TENM3: variants seen among roughly 807,000 people sequenced by gnomAD.
TENM3 encodes teneurin-3.
TENM3 carries 63 observed loss-of-function variants against 255.1 expected under a neutral mutation model. The observed-to-expected ratio is 0.25, with a 90% CI of 0.20 to 0.30. TENM3 has a LOEUF of 0.30. Ranked by LOEUF, TENM3 falls within the 10% of genes least tolerant of loss-of-function variation. The pLI, the probability that TENM3 is intolerant of heterozygous loss-of-function variation, is 1.00. For synonymous variants in TENM3, 1,306 were observed against 1,322.3 expected (o/e 0.99, Z 0.27); for missense variants, 2,929 against 3,461.1 (o/e 0.85, Z 3.86).
the TENM3 span, among the ~76,000 whole-genome samples, chr4:181,605,568 AAG>A: frequency 1.6e-3 from 69 of 42,196 alleles, 10 homozygotes; most frequent in East Asian, 9.5e-3. Flanking sequence ...GAAAGAAAGA[AAG>A]AGAGAGAAAG....
rs375303907 is a variant in TENM3, at chr4:182,738,481, T to C, written c.3316T>C (p.Leu1106=). 55 of 1,613,412 alleles carry C rather than the reference T, an allele frequency of 3.4e-5. 1 individual carries two copies. In the African/African-American group the frequency reaches 6.1e-4, roughly 18 times the overall value. The part of the protein sequence containing the change: ...KRTAILQGYE[L]DASNMGGWTL... ...GACTGCCATTCTGCAGGGCTATGAA[T>C]TGGATGCGTCCAACATGGGTGGCTG... is the stretch of plus-strand genomic sequence containing the variant. Residue 1106 remains leucine, a synonymous_variant, in exon 18 of 28, where the codon TTG becomes CTG. Coordinates refer to ENST00000511685, the MANE Select transcript of TENM3 (RefSeq NM_001080477.4).
At chr4:181,852,449 T>C in the TENM3 span, among the ~76,000 whole-genome samples, 1 of 152,202 alleles carries the variant, frequency 6.6e-6, no homozygotes. Context: ...ACTTTTCCTA[T>C]TTAAAACTTT....
the TENM3 span, among the ~76,000 whole-genome samples, chr4:182,138,778 A>C: frequency 6.6e-6 from 1 of 152,168 alleles, no homozygotes; most frequent in African/African-American, 2.4e-5. Context: ...AGAAAACCAA[A>C]ATTTGATCTC....
the TENM3 span, among the ~76,000 whole-genome samples, chr4:182,021,681 C>T: frequency 6.6e-6 from 1 of 152,058 alleles, no homozygotes; most frequent in South Asian, 2.1e-4. Context: ...CACTGTATCC[C>T]TTTCATCTAA....
At chr4:181,491,438 T>A in the TENM3 span, among the ~76,000 whole-genome samples, 1 of 152,084 alleles carries the variant, frequency 6.6e-6, no homozygotes, top group South Asian at 2.1e-4. Context: ...ATTTTCTCAT[T>A]TTCTCTGCTT....
At chr4:182,798,501 T>G (rs73869832) in intron 27 of TENM3, among the ~76,000 whole-genome samples, 4,190 of 152,280 alleles carry the variant, frequency 0.028, 185 homozygotes, top group African/African-American at 0.093. Flanking sequence ...CGCTATGATG[T>G]TCACACAAGG....
rs575291945 is a variant in TENM3, at chr4:182,474,193, C to G, written c.512-126731C>G. Among the ~76,000 whole-genome samples the G allele has an allele frequency of 2.6e-5, 4 of 152,032 alleles. No individual in the cohort carries two copies. In the South Asian group the frequency reaches 8.3e-4, roughly 32 times the overall value. On this transcript the variant is annotated intron_variant, in intron 3 of 27. Transcript: ENST00000511685. Reference sequence around the variant, plus strand: ...TTTGCAACTGTTCAGGCTTACCTACCCCTTAGAAATTTTTTACTCACAGGA... The same window carrying G: ...TTTGCAACTGTTCAGGCTTACCTACGCCTTAGAAATTTTTTACTCACAGGA...
At chr4:181,527,114 T>A in the TENM3 span, among the ~76,000 whole-genome samples, 3 of 152,312 alleles carry the variant, frequency 2.0e-5, no homozygotes, top group African/African-American at 7.2e-5. Context: ...GACCAGCTGC[T>A]AGGTCCACAA....
At chr4:182,408,622 T>G (rs1769751032) in intron 3 of TENM3, among the ~76,000 whole-genome samples, 1 of 152,210 alleles carries the variant, frequency 6.6e-6, no homozygotes, top group South Asian at 2.1e-4. Flanking sequence ...CCTAACACTT[T>G]GGCTCTTGTT....
At chr4:181,957,150 C>A in the TENM3 span, among the ~76,000 whole-genome samples, 1 of 152,110 alleles carries the variant, frequency 6.6e-6, no homozygotes, top group African/African-American at 2.4e-5. Context: ...TGTTTCAGAG[C>A]GTTTGCTCTA....
At chr4:181,545,484 C>A in the TENM3 span, among the ~76,000 whole-genome samples, 6 of 152,006 alleles carry the variant, frequency 3.9e-5, no homozygotes, top group African/African-American at 1.4e-4. Context: ...ATCACCTACC[C>A]CAGAATTTAT....
chr4:181,657,766 G>T, the TENM3 span, among the ~76,000 whole-genome samples: 3 of 151,712 alleles, frequency 2.0e-5, no homozygotes, highest in African/African-American at 7.3e-5. Flanking sequence ...AAGAAAATGG[G>T]ATACATAATC....
the TENM3 span, among the ~76,000 whole-genome samples, chr4:181,881,000 T>C: frequency 6.6e-6 from 1 of 152,306 alleles, no homozygotes; most frequent in African/African-American, 2.4e-5. Flanking sequence ...CAAGCTCATT[T>C]GAGTATGTAA....
At chr4:181,576,202 G>T in the TENM3 span, among the ~76,000 whole-genome samples, 1 of 152,164 alleles carries the variant, frequency 6.6e-6, no homozygotes, top group African/African-American at 2.4e-5. Context: ...AGAATATGCA[G>T]TCTGTCTATT....
chr4:181,577,864 A>C, the TENM3 span, among the ~76,000 whole-genome samples: 1 of 152,288 alleles, frequency 6.6e-6, no homozygotes, highest in East Asian at 1.9e-4. Flanking sequence ...TAAGAATTCT[A>C]ACTTTTTAAA....
At chr4:181,849,949 T>TCTCTCACACACACACACACACA in the TENM3 span, among the ~76,000 whole-genome samples, 991 of 65,896 alleles carry the variant, frequency 0.015, 45 homozygotes, top group East Asian at 0.036. Flanking sequence ...TCTCTCTCTC[T>TCTCTCACACACACACACACACA]CACACACACA....
the TENM3 span, among the ~76,000 whole-genome samples, chr4:182,118,165 A>T: frequency 6.6e-6 from 1 of 152,192 alleles, no homozygotes; most frequent in East Asian, 1.9e-4. Context: ...ATTACTTATT[A>T]ATTCCAGGAG....
intron 3 of TENM3, among the ~76,000 whole-genome samples, chr4:182,599,699 G>T (rs551245863): frequency 6.6e-6 from 1 of 152,188 alleles, no homozygotes; most frequent in African/African-American, 2.4e-5. Context: ...GTGCTATTTG[G>T]CTTAACAATC....
At chr4:182,133,338 A>T in the TENM3 span, among the ~76,000 whole-genome samples, 5 of 152,224 alleles carry the variant, frequency 3.3e-5, no homozygotes, top group African/African-American at 4.8e-5. Context: ...ATAGCATGGG[A>T]TGCTGACCTG....
Sources: allele counts gnomAD v4.1 joint callset (sites outside exome capture counted in the v4.1 genomes callset), GRCh38; gene constraint gnomAD v4.1.1; transcripts MANE v1.5; gene names NCBI Gene and HGNC (gene_info 2026-07-23, HGNC 2026-07-21).